Variants in KIAA1549L observed in about 807,000 individuals in gnomAD.
KIAA1549L encodes the protein KIAA1549 like, also known as UPF0606 protein KIAA1549L.
Under a neutral mutation model 160.7 loss-of-function variants are expected in KIAA1549L, and 88 were observed. The ratio of observed to expected loss-of-function variants is 0.55; its 90% CI spans 0.46 to 0.65. The LOEUF is 0.65. KIAA1549L is among the 30% of genes least tolerant of loss of function. KIAA1549L has a pLI of 0.00. For synonymous variants in KIAA1549L, 950 were observed against 976.7 expected (o/e 0.97, Z 0.51); for missense variants, 2,258 against 2,437.5 (o/e 0.93, Z 1.55).
chr11:33,551,050 T>C lies in KIAA1549L; in HGVS notation c.3512T>C (p.Leu1171Pro). ...QNDVSAHVDI[L>P]EYSHNVTVGY... ...CCATTTGTTTTGTAGGTGGACATTC[T>C]GGAATATTCTCATAATGTCACAGTT... Residue 1171 changes from leucine to proline, a missense_variant, in exon 5 of 21, where the codon CTG becomes CCG. Leu to Pro is a moderately conservative substitution (Grantham distance 98, BLOSUM62 -3). Coordinates refer to ENST00000658780, the MANE Select transcript of KIAA1549L (RefSeq NM_012194.3). 6.2e-7 allele frequency: 1 copy of C among 1,613,892 alleles called. No individual in the cohort carries two copies. Among genetic ancestry groups the C allele is most frequent in the Non-Finnish European group, 8.5e-7 (1 of 1,179,754 alleles).
At chr11:33,379,255 AC>A (rs2134028325) in intron 1 of KIAA1549L, among the ~76,000 whole-genome samples, 1 of 151,952 alleles carries the variant, frequency 6.6e-6, no homozygotes, top group Non-Finnish European at 1.5e-5. Flanking sequence ...TGTCCTGGAG[AC>A]TCTGCAGTGT....
At chr11:33,574,414 C>T (rs1855373339) in intron 9 of KIAA1549L, among the ~76,000 whole-genome samples, 1 of 152,194 alleles carries the variant, frequency 6.6e-6, no homozygotes, top group Non-Finnish European at 1.5e-5. Flanking sequence ...TCAAATGAGG[C>T]CAGAGTTCTG....
chr11:33,475,364 G>C (rs1327389149), intron 1 of KIAA1549L, among the ~76,000 whole-genome samples: 1 of 152,094 alleles, frequency 6.6e-6, no homozygotes, highest in Admixed American at 6.5e-5. Flanking sequence ...TTAAACAAAA[G>C]TGCATATCAG....
chr11:33,547,636 A>G (rs575555116), intron 3 of KIAA1549L, 128 bp from the exon 4 acceptor site: 16 of 624,682 alleles, frequency 2.6e-5, no homozygotes, highest in Middle Eastern at 3.6e-4. Context: ...CACCCCCTCA[A>G]TGATGGCCCT....
At chr11:33,431,131 C>T (rs1851231422) in intron 1 of KIAA1549L, among the ~76,000 whole-genome samples, 1 of 151,768 alleles carries the variant, frequency 6.6e-6, no homozygotes, top group Admixed American at 6.6e-5. Flanking sequence ...TCCTGGTGGG[C>T]TCGTGGGCTC....
intron 1 of KIAA1549L, among the ~76,000 whole-genome samples, chr11:33,510,209 C>T (rs752977823): frequency 2.6e-5 from 4 of 152,028 alleles, no homozygotes; most frequent in Admixed American, 6.6e-5. Flanking sequence ...CTCTTTCTTT[C>T]GTGTCTTGTT....
At chr11:33,578,879 CCTCATGAG>C (rs1477330784) in intron 10 of KIAA1549L, among the ~76,000 whole-genome samples, 1 of 152,176 alleles carries the variant, frequency 6.6e-6, no homozygotes, top group Admixed American at 6.5e-5. Context: ...TGTCTCTCTC[CCTCATGAG>C]CTCTTTAAAA....
rs1269305800 is a variant in KIAA1549L, at chr11:33,560,024, G to A, written c.4018+113G>A. Reference sequence around the variant, plus strand: ...CTACCACCTTTATCATAAAGTGACAGCTAAAATATGTGATGGATTAAGGTG... The same window carrying A: ...CTACCACCTTTATCATAAAGTGACAACTAAAATATGTGATGGATTAAGGTG... On this transcript the variant is annotated intron_variant, in intron 7 of 20. Transcript: ENST00000658780. The A allele has an allele frequency of 4.0e-6, 4 of 996,062 alleles. No individual in the cohort carries two copies. In the South Asian group the frequency reaches 6.1e-5, roughly 15 times the overall value. The allele number at this position is 996,062 out of a possible 1,614,324, so 61.7% of individuals were successfully genotyped here.
At chr11:33,637,178 T>G (rs1334029501) in intron 16 of KIAA1549L, among the ~76,000 whole-genome samples, 1 of 152,204 alleles carries the variant, frequency 6.6e-6, no homozygotes, top group African/African-American at 2.4e-5. Flanking sequence ...CTTCAACTCT[T>G]GGCTTTCCTT....
intron 1 of KIAA1549L, among the ~76,000 whole-genome samples, chr11:33,407,681 T>C (rs894195523): frequency 6.6e-6 from 1 of 152,274 alleles, no homozygotes; most frequent in East Asian, 1.9e-4. Flanking sequence ...ACCACCCACC[T>C]GAACTCACCA....
At chr11:33,449,010 T>A (rs1407657508) in intron 1 of KIAA1549L, among the ~76,000 whole-genome samples, 1 of 152,204 alleles carries the variant, frequency 6.6e-6, no homozygotes, top group Admixed American at 6.5e-5. Flanking sequence ...CCTCTGGGTT[T>A]ACAGGGGCAA....
chr11:33,645,187 C>G (rs2133403754), intron 16 of KIAA1549L, among the ~76,000 whole-genome samples: 1 of 152,296 alleles, frequency 6.6e-6, no homozygotes, highest in Non-Finnish European at 1.5e-5. Flanking sequence ...GAGCTGTGAT[C>G]TAGAAGCAGG....
chr11:33,639,035 G>A (rs1302424474), intron 16 of KIAA1549L, among the ~76,000 whole-genome samples: 1 of 152,096 alleles, frequency 6.6e-6, no homozygotes, highest in Non-Finnish European at 1.5e-5. Context: ...ATATTTTCTT[G>A]TGGTTGGTAG....
At chr11:33,632,979 T>C (rs1388238369) in intron 16 of KIAA1549L, among the ~76,000 whole-genome samples, 1 of 145,242 alleles carries the variant, frequency 6.9e-6, no homozygotes, top group East Asian at 2.0e-4. Context: ...TTTTTGTCGT[T>C]GTTGTTTGTT....
At chr11:33,385,575 A>G (rs1850157576) in intron 1 of KIAA1549L, among the ~76,000 whole-genome samples, 2 of 152,228 alleles carry the variant, frequency 1.3e-5, no homozygotes, top group African/African-American at 4.8e-5. Flanking sequence ...TTGAAGTCAG[A>G]TAGTGTGAGT....
Position 33,544,024 on chromosome 11 carries a change from TACTC to T in KIAA1549L, c.2464_2467del (p.Ser822ProfsTer24). 6.2e-7 allele frequency: 1 copy of T among 1,613,996 alleles called. No homozygotes were observed. The highest frequency in any genetic ancestry group is 8.5e-7 in the Non-Finnish European group (1 of 1,179,876). ...CTTCCAAACAGCTGAAGTTGCATAT[TACTC>T]ACCCACAACTCGACATTCCGTGTCT... On this transcript the variant is annotated frameshift_variant, in exon 2 of 21. Transcript: ENST00000658780. LOFTEE classifies it high-confidence loss of function.
At chr11:33,601,839 T>C (rs1158852242) in intron 13 of KIAA1549L, among the ~76,000 whole-genome samples, 2 of 152,254 alleles carry the variant, frequency 1.3e-5, no homozygotes, top group African/African-American at 4.8e-5. Context: ...TAGGTCCTTA[T>C]AGCTCAATGG....
At chr11:33,523,326 T>C (rs1334533031) in intron 1 of KIAA1549L, among the ~76,000 whole-genome samples, 1 of 152,242 alleles carries the variant, frequency 6.6e-6, no homozygotes, top group East Asian at 1.9e-4. Flanking sequence ...ACAGGACTTT[T>C]CAAAGCCCTT....
In KIAA1549L at chr11:33,473,377, C is replaced by T. The variant is rs182621397; in HGVS notation, c.239-68425C>T. On this transcript the variant is annotated intron_variant, in intron 1 of 20. Transcript: ENST00000658780. ...GAGGGGCATCTGACCCAATCTTGGG[C>T]GAACAGGGGATACTTCCTGGAGGAG... 2.8e-4 allele frequency among the ~76,000 whole-genome samples: 42 copies of T among 152,158 alleles called. No individual in the cohort carries two copies. The East Asian group carries it at 3.1e-3, about 11-fold the overall frequency.
Sources: allele counts gnomAD v4.1 joint callset (sites outside exome capture counted in the v4.1 genomes callset), GRCh38; gene constraint gnomAD v4.1.1; transcripts MANE v1.5; gene names NCBI Gene and HGNC (gene_info 2026-07-23, HGNC 2026-07-21).